The following DLG2 variants were observed in gnomAD, a reference collection of about 807,000 sequenced individuals.
DLG2 encodes discs large MAGUK scaffold protein 2, also known as disks large homolog 2.
In DLG2, 45 loss-of-function variants were observed where a neutral mutation model predicts 132.5. That is an observed-to-expected ratio of 0.34 (90% confidence interval 0.27 to 0.44). The LOEUF (loss-of-function observed/expected upper bound fraction) is 0.44. DLG2 is among the 20% of genes least tolerant of loss of function. The pLI is 1.00. For synonymous variants in DLG2, 424 were observed against 419.6 expected (o/e 1.01, Z -0.13); for missense variants, 1,045 against 1,196.9 (o/e 0.87, Z 1.87).
Position 84,506,277 on chromosome 11 carries a change from GTTTTAGCCGGGA to G in DLG2, c.519+28281_519+28292del, listed in dbSNP as rs1208068172. Among the ~76,000 whole-genome samples the G allele has an allele frequency of 9.3e-5, 14 of 151,350 alleles. No individual in the cohort carries two copies. The East Asian group carries it at 2.7e-3, about 29-fold the overall frequency. On this transcript the variant is annotated intron_variant, in intron 7 of 27. Coordinates refer to ENST00000376104, the MANE Select transcript of DLG2 (RefSeq NM_001142699.3). ...TTTTTAGTAGAGACGGGGTTTCACC[GTTTTAGCCGGGA>G]TGGTCTCGATCTCCTGACCTCGTGA... is the stretch of plus-strand genomic sequence containing the variant.
chr11:83,667,804 C>T (rs2075917542), intron 18 of DLG2, among the ~76,000 whole-genome samples: 2 of 151,456 alleles, frequency 1.3e-5, no homozygotes, highest in East Asian at 1.9e-4. Context: ...ACGGTGAAAC[C>T]CCGTCTGTAC....
intron 18 of DLG2, among the ~76,000 whole-genome samples, chr11:83,720,662 T>C (rs915094852): frequency 6.6e-6 from 1 of 151,974 alleles, no homozygotes; most frequent in African/African-American, 2.4e-5. Flanking sequence ...TCACAGTCCG[T>C]CTTGAATATT....
chr11:85,195,497 G>A (rs533945998), intron 4 of DLG2, among the ~76,000 whole-genome samples: 2 of 151,070 alleles, frequency 1.3e-5, no homozygotes, highest in African/African-American at 4.9e-5. Flanking sequence ...ATCATAAAGT[G>A]AATTATTTTC....
intron 18 of DLG2, among the ~76,000 whole-genome samples, chr11:83,755,173 C>A (rs1334032851): frequency 6.6e-6 from 1 of 150,982 alleles, no homozygotes; most frequent in Non-Finnish European, 1.5e-5. Context: ...TTTTAAAAAT[C>A]AAGAAATAAA....
intron 9 of DLG2, among the ~76,000 whole-genome samples, chr11:84,104,068 T>C (rs2092728673): frequency 6.6e-6 from 1 of 152,130 alleles, no homozygotes. Context: ...CTGACATCCA[T>C]ATCATGGAGA....
At chr11:84,968,795 T>C (rs1483569880) in intron 6 of DLG2, among the ~76,000 whole-genome samples, 1 of 152,272 alleles carries the variant, frequency 6.6e-6, no homozygotes, top group Non-Finnish European at 1.5e-5. Flanking sequence ...CTACCCAACA[T>C]GTTAGTGGCA....
intron 7 of DLG2, among the ~76,000 whole-genome samples, chr11:84,358,808 C>G (rs1185761095): frequency 2.6e-5 from 4 of 151,928 alleles, no homozygotes; most frequent in Non-Finnish European, 5.9e-5. Flanking sequence ...TTAAATCCAA[C>G]AGCAACCTAT....
At chr11:85,561,162 C>G (rs2077213726) in intron 3 of DLG2, among the ~76,000 whole-genome samples, 1 of 150,264 alleles carries the variant, frequency 6.7e-6, no homozygotes, top group African/African-American at 2.4e-5. Flanking sequence ...TTCAGATCAG[C>G]CTGAAAAACA....
intron 15 of DLG2, among the ~76,000 whole-genome samples, chr11:83,904,917 G>T (rs1046417191): frequency 3.9e-5 from 6 of 152,064 alleles, no homozygotes; most frequent in Admixed American, 2.0e-4. Context: ...TCTGATTCAG[G>T]AGTGAAGAAT....
In DLG2 at chr11:84,787,145, T is replaced by TA. The variant is rs571940006; in HGVS notation, c.358-252415dup. 7.2e-5 allele frequency among the ~76,000 whole-genome samples: 11 copies of TA among 152,290 alleles called. No individual in the cohort carries two copies. In the East Asian group the frequency reaches 1.2e-3, roughly 16 times the overall value. On this transcript the variant is annotated intron_variant, in intron 6 of 27. Transcript: ENST00000376104. Reference sequence around the variant, plus strand: ...TGACCCACATTCACTCATGCCCCAGTACCCCAGGAGTAGAGCCATGTCCTT... The same window carrying TA: ...TGACCCACATTCACTCATGCCCCAGTAACCCCAGGAGTAGAGCCATGTCCTT...
intron 6 of DLG2, among the ~76,000 whole-genome samples, chr11:84,879,199 T>C (rs1466580471): frequency 1.3e-5 from 2 of 152,080 alleles, no homozygotes; most frequent in Non-Finnish European, 2.9e-5. Context: ...TGCAAGTCAA[T>C]CACCAAAGAT....
At position 84,217,067 on chromosome 11, in the gene DLG2, G is replaced by A. The variant is rs575616948; in HGVS notation, c.573+34171C>T. 4.6e-5 allele frequency among the ~76,000 whole-genome samples: 7 copies of A among 152,290 alleles called. No homozygotes were observed. The East Asian group carries it at 1.4e-3, about 29-fold the overall frequency. Reference sequence around the variant, plus strand: ...TCAAATCAATAGATAAGACTTAGCAGAATGTTTCCTAAAACTAACTGGTCA... The same window carrying A: ...TCAAATCAATAGATAAGACTTAGCAAAATGTTTCCTAAAACTAACTGGTCA... On this transcript the variant is annotated intron_variant, in intron 8 of 27. Transcript: ENST00000376104.
chr11:85,152,244 A>ATT (rs200542714), intron 5 of DLG2, among the ~76,000 whole-genome samples: 124 of 145,888 alleles, frequency 8.5e-4, no homozygotes, highest in African/African-American at 2.6e-3. Context: ...TTATTTATTA[A>ATT]TTTTTTTTTT....
intron 4 of DLG2, among the ~76,000 whole-genome samples, chr11:85,278,350 G>A (rs143768620): frequency 8.9e-4 from 135 of 152,246 alleles, no homozygotes; most frequent in African/African-American, 3.1e-3. Flanking sequence ...TAGAGATTAA[G>A]AGATAATATA....
chr11:83,880,862 C>A (rs976422331), intron 15 of DLG2, among the ~76,000 whole-genome samples: 1 of 152,144 alleles, frequency 6.6e-6, no homozygotes, highest in Non-Finnish European at 1.5e-5. Flanking sequence ...TCCACAGTAG[C>A]CACTGGATGA....
At chr11:84,160,257 G>A (rs1449286637) in intron 9 of DLG2, among the ~76,000 whole-genome samples, 2 of 152,224 alleles carry the variant, frequency 1.3e-5, no homozygotes, top group East Asian at 1.9e-4. Context: ...TTTAGAGGAG[G>A]AGCCAGCAAG....
chr11:85,079,303 T>G (rs1370498736), intron 6 of DLG2, among the ~76,000 whole-genome samples: 1 of 151,998 alleles, frequency 6.6e-6, no homozygotes, highest in Non-Finnish European at 1.5e-5. Flanking sequence ...TAGATTGTCT[T>G]AAGGTCTCTG....
chr11:83,731,758 T>G (rs1209392546), intron 18 of DLG2, among the ~76,000 whole-genome samples: 1 of 152,182 alleles, frequency 6.6e-6, no homozygotes, highest in Non-Finnish European at 1.5e-5. Flanking sequence ...CCACCAACAG[T>G]GTAAAAGCAT....
chr11:83,660,210 C>T (rs1316411815), intron 18 of DLG2, among the ~76,000 whole-genome samples: 2 of 152,108 alleles, frequency 1.3e-5, no homozygotes, highest in African/African-American at 4.8e-5. Flanking sequence ...CCCTTAGGAG[C>T]TCTTAGCCCA....
Sources: gnomAD v4.1 joint callset for allele counts (sites outside exome capture counted in the v4.1 genomes callset) on GRCh38, gnomAD v4.1.1 for gene constraint, MANE v1.5 for transcripts, NCBI Gene and HGNC (gene_info 2026-07-23, HGNC 2026-07-21) for gene names.